The following ARHGEF10L variants were observed in gnomAD, a reference collection of about 807,000 sequenced individuals.
ARHGEF10L encodes the protein Rho guanine nucleotide exchange factor 10 like.
ARHGEF10L carries 69 observed loss-of-function variants against 141.2 expected under a neutral mutation model. The observed-to-expected ratio is 0.49, with a 90% CI of 0.40 to 0.60. The LOEUF is 0.60. ARHGEF10L is among the 20% of genes least tolerant of loss of function. The pLI, the probability that ARHGEF10L is intolerant of heterozygous loss-of-function variation, is 0.00. For synonymous variants in ARHGEF10L, 711 were observed against 718.5 expected, an observed-to-expected ratio of 0.99 and a Z score of 0.17; for missense variants, 1,482 against 1,734.3, an observed-to-expected ratio of 0.85 and a Z score of 2.58.
chr1:17,651,826 G>C (rs2061954397), intron 22 of ARHGEF10L, among the ~76,000 whole-genome samples: 1 of 152,170 alleles, frequency 6.6e-6, no homozygotes, highest in African/African-American at 2.4e-5. Context: ...AGCCAGAGCA[G>C]AGCCTGCCTG....
At chr1:17,575,484 A>G (rs1200076841) in intron 1 of ARHGEF10L, among the ~76,000 whole-genome samples, 2 of 152,268 alleles carry the variant, frequency 1.3e-5, no homozygotes, top group Non-Finnish European at 2.9e-5. Flanking sequence ...CAGCTTAAGC[A>G]AAGGCCTGGA....
intron 1 of ARHGEF10L, among the ~76,000 whole-genome samples, chr1:17,565,519 G>A (rs2077715492): frequency 6.6e-6 from 1 of 152,224 alleles, no homozygotes; most frequent in African/African-American, 2.4e-5. Context: ...CTAGGCTCAA[G>A]TCTGCTCTCA....
chr1:17,678,753 T>G lies in ARHGEF10L; in HGVS notation c.3010-8820T>G, dbSNP rs192114266. Among the ~76,000 whole-genome samples, 252 of 152,282 alleles carry G rather than the reference T, an allele frequency of 1.7e-3. 1 individual carries two copies. Among genetic ancestry groups the G allele is most frequent in the African/African-American group, 5.3e-3 (221 of 41,554 alleles). ...ATTAGTTTTGTTTTTAAAGGCAAAA[T>G]TTTGGCACAGCCAGGTCAGGACAGC... On this transcript the variant is annotated intron_variant, in intron 26 of 28. Transcript: ENST00000361221.
At chr1:17,622,895 C>A (rs2060181545) in intron 11 of ARHGEF10L, 101 bp from the exon 12 acceptor site, 1 of 1,294,760 alleles carries the variant, frequency 7.7e-7, no homozygotes, top group Non-Finnish European at 1.1e-6. Flanking sequence ...CCCCTCCGTG[C>A]CACGGGAAGG....
intron 27 of ARHGEF10L, among the ~76,000 whole-genome samples, chr1:17,688,157 C>T (rs563928371): frequency 2.0e-5 from 3 of 152,350 alleles, no homozygotes; most frequent in African/African-American, 7.2e-5. Flanking sequence ...AGAAAGCCAA[C>T]GGGTGGTCTC....
chr1:17,664,381 C>T (rs1352825811), intron 25 of ARHGEF10L, 66 bp from the exon 26 acceptor site: 2 of 1,542,534 alleles, frequency 1.3e-6, no homozygotes, highest in Admixed American at 3.7e-5. Flanking sequence ...CTGCTGCTGG[C>T]CTGCGTTCCC....
chr1:17,641,980 T>TAAAAAAAAAGAA (rs1557907511), intron 21 of ARHGEF10L, among the ~76,000 whole-genome samples: 3 of 138,672 alleles, frequency 2.2e-5, no homozygotes, highest in Admixed American at 1.5e-4. Flanking sequence ...GACTCCGTCT[T>TAAAAAAAAAGAA]AAAAAAAAAG....
At chr1:17,637,522 G>A (rs924554088) in intron 18 of ARHGEF10L, among the ~76,000 whole-genome samples, 1 of 150,572 alleles carries the variant, frequency 6.6e-6, no homozygotes, top group African/African-American at 2.5e-5. Context: ...TTTTTGGGTT[G>A]GAGTCTTGCT....
At chr1:17,520,425 C>T in the ARHGEF10L span, among the ~76,000 whole-genome samples, 2 of 152,252 alleles carry the variant, frequency 1.3e-5, no homozygotes, top group Non-Finnish European at 2.9e-5. Flanking sequence ...TGCTCCCTTC[C>T]CGGAGGACTG....
At chr1:17,693,372 C>T (rs1235449500) in intron 27 of ARHGEF10L, among the ~76,000 whole-genome samples, 1 of 152,162 alleles carries the variant, frequency 6.6e-6, no homozygotes, top group East Asian at 1.9e-4. Context: ...CAGTAGGCAT[C>T]TGGGAGGTAA....
chr1:17,618,879 G>C (rs2059953186), intron 9 of ARHGEF10L, among the ~76,000 whole-genome samples: 1 of 152,166 alleles, frequency 6.6e-6, no homozygotes, highest in African/African-American at 2.4e-5. Flanking sequence ...TATTTCAAAA[G>C]GAAAGTGCCA....
intron 26 of ARHGEF10L, among the ~76,000 whole-genome samples, chr1:17,677,840 C>A (rs1321433807): frequency 6.6e-6 from 1 of 152,178 alleles, no homozygotes; most frequent in African/African-American, 2.4e-5. Flanking sequence ...TTGTTTCTTG[C>A]AAATAGCGAA....
At chr1:17,652,521 G>A (rs754522524) in intron 22 of ARHGEF10L, among the ~76,000 whole-genome samples, 9 of 152,176 alleles carry the variant, frequency 5.9e-5, no homozygotes, top group South Asian at 2.1e-4. Context: ...CATGGGGTGC[G>A]CTCAGGGGTC....
intron 26 of ARHGEF10L, among the ~76,000 whole-genome samples, chr1:17,677,817 G>T (rs774326906): frequency 2.6e-5 from 4 of 152,232 alleles, no homozygotes; most frequent in South Asian, 4.1e-4. Context: ...CTGCCTCCGG[G>T]CCTGTGGGTT....
chr1:17,528,725 A>G, the ARHGEF10L span, among the ~76,000 whole-genome samples: 8 of 152,302 alleles, frequency 5.3e-5, no homozygotes, highest in African/African-American at 1.9e-4. Context: ...TGGATACATG[A>G]TCCTGCCCTC....
chr1:17,634,781 C>T, intron 17 of ARHGEF10L, 54 bp from the exon 18 acceptor site: 3 of 1,544,218 alleles, frequency 1.9e-6, no homozygotes, highest in Admixed American at 4.0e-5. Flanking sequence ...TGGGCCAGCC[C>T]TGGGGCAGGG....
intron 26 of ARHGEF10L, among the ~76,000 whole-genome samples, chr1:17,685,850 A>G (rs776410561): frequency 3.3e-5 from 5 of 152,272 alleles, no homozygotes; most frequent in Non-Finnish European, 7.3e-5. Flanking sequence ...CAAGGAAGTC[A>G]GATTTAATAG....
chr1:17,608,371 C>T (rs1408868318), intron 7 of ARHGEF10L, among the ~76,000 whole-genome samples: 1 of 152,216 alleles, frequency 6.6e-6, no homozygotes, highest in Non-Finnish European at 1.5e-5. Flanking sequence ...GATCCACTTG[C>T]TCTCCCCGCC....
chr1:17,546,402 C>CT (rs1317422293), intron 1 of ARHGEF10L, among the ~76,000 whole-genome samples: 1 of 152,148 alleles, frequency 6.6e-6, no homozygotes, highest in African/African-American at 2.4e-5. Context: ...GACTTTATGC[C>CT]TATAGGTGCC....
Sources: gnomAD v4.1 joint callset for allele counts (sites outside exome capture counted in the v4.1 genomes callset) on GRCh38, gnomAD v4.1.1 for gene constraint, MANE v1.5 for transcripts, NCBI Gene and HGNC (gene_info 2026-07-23, HGNC 2026-07-21) for gene names.